The following FGD5 variants were observed in gnomAD, a reference collection of about 807,000 sequenced individuals.
FGD5 encodes FYVE, RhoGEF and PH domain-containing protein 5.
A neutral mutation model predicts 133.4 loss-of-function variants in FGD5; 28 were observed. The ratio of observed to expected loss-of-function variants is 0.21; its 90% CI spans 0.16 to 0.29. FGD5 has a LOEUF of 0.29. Among genes scored for constraint, FGD5 ranks in the 10% least tolerant of loss-of-function variants. The pLI is 1.00. For missense variants in FGD5, 1,858 were observed against 1,895.2 expected, an observed-to-expected ratio of 0.98 and a Z score of 0.36; for synonymous variants, 810 against 776.5, an observed-to-expected ratio of 1.04 and a Z score of -0.72.
chr3:14,882,099 T>G (rs2037836071), intron 4 of FGD5, among the ~76,000 whole-genome samples: 1 of 152,210 alleles, frequency 6.6e-6, no homozygotes, highest in African/African-American at 2.4e-5. Context: ...TGTGCACTCT[T>G]GAACCCCAAA....
At chr3:14,826,038 ATC>A (rs1408344832) in intron 1 of FGD5, among the ~76,000 whole-genome samples, 2 of 152,200 alleles carry the variant, frequency 1.3e-5, no homozygotes, top group African/African-American at 4.8e-5. Context: ...TGTCCTAAAT[ATC>A]TCATTTAAAT....
intron 1 of FGD5, among the ~76,000 whole-genome samples, chr3:14,856,726 A>G (rs1474118871): frequency 2.0e-5 from 3 of 152,016 alleles, no homozygotes; most frequent in Non-Finnish European, 4.4e-5. Context: ...GGATTTTTAT[A>G]TATTGATTAT....
intron 4 of FGD5, among the ~76,000 whole-genome samples, chr3:14,883,680 G>A (rs146220417): frequency 4.8e-4 from 73 of 152,350 alleles, no homozygotes; most frequent in African/African-American, 1.7e-3. Context: ...GCTGAATAAG[G>A]CTCTGAACCT....
intron 2 of FGD5, among the ~76,000 whole-genome samples, chr3:14,867,339 T>A (rs1305589877): frequency 1.3e-5 from 2 of 152,270 alleles, no homozygotes. Flanking sequence ...AATGTTTTTC[T>A]GGCTGCATAG....
In FGD5 at chr3:14,924,027, C is replaced by G. The variant is rs748438544; in HGVS notation, c.3957C>G (p.Ser1319Arg). ...TTACAGAGCGGCCTGTGAGCATGAG[C>G]TTCCCGCTGTCTTCACCCCGCTTCT... is the stretch of plus-strand genomic sequence containing the variant. Reference protein sequence around the residue: ...GLMRERPVSMSFPLSSPRFSG... With the variant: ...GLMRERPVSMRFPLSSPRFSG... The change falls in exon 17 of 20, where the codon AGC becomes AGG. Residue 1319 changes from serine (S) to arginine (R), a missense_variant. Physicochemically the swap from Ser to Arg is moderately radical, Grantham distance 110 (BLOSUM62 -1). Transcript: ENST00000285046. 3.1e-6 allele frequency: 5 copies of G among 1,613,904 alleles called. No homozygotes were observed. Among genetic ancestry groups the G allele is most frequent in the Non-Finnish European group, 4.2e-6 (5 of 1,179,902 alleles).
chr3:14,833,251 A>T (rs2036752111), intron 1 of FGD5, among the ~76,000 whole-genome samples: 1 of 152,060 alleles, frequency 6.6e-6, no homozygotes, highest in Admixed American at 6.6e-5. Flanking sequence ...GTTTTTCGGG[A>T]TGATGTGACT....
At chr3:14,900,923 G>A (rs1410145240) in intron 8 of FGD5, 80 bp from the exon 9 acceptor site, 1 of 1,534,288 alleles carries the variant, frequency 6.5e-7, no homozygotes, top group African/African-American at 1.4e-5. Context: ...TGGGCTTGAG[G>A]CCTGTGACCT....
At chr3:14,857,519 A>G (rs989369500) in intron 1 of FGD5, among the ~76,000 whole-genome samples, 1 of 152,080 alleles carries the variant, frequency 6.6e-6, no homozygotes, top group Non-Finnish European at 1.5e-5. Context: ...ACATACAGCA[A>G]AGTTTCAGAT....
Position 14,917,759 on chromosome 3 carries a change from C to T in FGD5, c.3489+427C>T, listed in dbSNP as rs573304007. Among the ~76,000 whole-genome samples, 29 of 152,302 alleles carry T rather than the reference C, an allele frequency of 1.9e-4. No homozygotes were observed. The highest frequency in any genetic ancestry group is 5.8e-4 in the African/African-American group (24 of 41,558). ...CATTTACATTGCTGTGTATCCAGCA[C>T]CACCATCCATCTCAGAACTCTTTCC... On this transcript the variant is annotated intron_variant, in intron 12 of 19. Transcript: ENST00000285046. This position sits in a 1 kb window ranked among gnomAD's most constrained non-coding sequence, Gnocchi z 4.1.
At chr3:14,880,683 C>A in intron 3 of FGD5, 53 bp downstream of exon 3, 1 of 1,613,958 alleles carries the variant, frequency 6.2e-7, no homozygotes, top group Non-Finnish European at 8.5e-7. Flanking sequence ...AAAACGTCAC[C>A]CTCCTGGGCT....
At position 14,819,379 on chromosome 3, in the gene FGD5, A is replaced by G. The variant is rs2036434933; in HGVS notation, c.308A>G (p.Glu103Gly). 6.5e-7 allele frequency: 1 copy of G among 1,549,696 alleles called. No individual in the cohort carries two copies. Among genetic ancestry groups the G allele is most frequent in the African/African-American group, 1.4e-5 (1 of 73,012 alleles). The change falls in exon 1 of 20, where the codon GAA (glutamate) becomes GGA (glycine). Residue 103 changes from glutamate to glycine, a missense_variant. Transcript: ENST00000285046. The surrounding 1 kb of genome is among the most constrained non-coding windows in gnomAD (Gnocchi z 4.1). ...TCTGCGGAAGAGGAAGAGGAGCGTG[A>G]AGAGGGAGGCGAGGCATGTGGCCTG... ...ESSAEEEEEREEGGEACGLEG... is the reference protein window; with the variant it reads ...ESSAEEEEERGEGGEACGLEG...
At chr3:14,886,141 A>G (rs572438670) in intron 4 of FGD5, among the ~76,000 whole-genome samples, 1 of 152,234 alleles carries the variant, frequency 6.6e-6, no homozygotes, top group Non-Finnish European at 1.5e-5. Context: ...AAGGTTTCTC[A>G]TGAACACAGG....
intron 1 of FGD5, among the ~76,000 whole-genome samples, chr3:14,842,409 A>G (rs898823732): frequency 2.0e-5 from 3 of 151,842 alleles, no homozygotes; most frequent in Non-Finnish European, 4.4e-5. Flanking sequence ...GAGGGTGCAC[A>G]CTCCCTTTCC....
chr3:14,864,623 A>G (rs1212868572), intron 2 of FGD5, among the ~76,000 whole-genome samples: 1 of 152,226 alleles, frequency 6.6e-6, no homozygotes, highest in East Asian at 1.9e-4. Context: ...TGAAGTGGAA[A>G]TCATGAGGGT....
chr3:14,851,865 A>G (rs1368685335), intron 1 of FGD5, among the ~76,000 whole-genome samples: 1 of 152,170 alleles, frequency 6.6e-6, no homozygotes, highest in Non-Finnish European at 1.5e-5. Flanking sequence ...AATCAGAAAA[A>G]AACAAAATTC....
chr3:14,874,134 A>G (rs138495026), intron 2 of FGD5, among the ~76,000 whole-genome samples: 7 of 152,354 alleles, frequency 4.6e-5, no homozygotes, highest in African/African-American at 1.4e-4. Flanking sequence ...GCCATTTGCA[A>G]CGATGTGAAT....
At chr3:14,823,860 A>C (rs10510432) in intron 1 of FGD5, among the ~76,000 whole-genome samples, 18,399 of 152,202 alleles carry the variant, frequency 0.12, 1,551 homozygotes, top group East Asian at 0.41. Flanking sequence ...GTGCAAAAAA[A>C]CCAAACAAAA....
chr3:14,918,636 A>G, intron 12 of FGD5, 118 bp from the exon 13 acceptor site: 1 of 970,308 alleles, frequency 1.0e-6, no homozygotes, highest in Non-Finnish European at 1.6e-6. Flanking sequence ...GTATGCCCTG[A>G]GGCTAGAGAA....
intron 1 of FGD5, among the ~76,000 whole-genome samples, chr3:14,844,204 T>TAAAAAAAAAAA (rs1168327274): frequency 5.8e-4 from 10 of 17,228 alleles, no homozygotes; most frequent in South Asian, 3.6e-3. Context: ...TAATAGGCAT[T>TAAAAAAAAAAA]AAAAAAAAAA....
Sources: gnomAD v4.1 joint callset for allele counts (sites outside exome capture counted in the v4.1 genomes callset) on GRCh38, gnomAD v4.1.1 for gene constraint, Gnocchi (gnomAD v3.1) non-coding constraint, MANE v1.5 for transcripts, NCBI Gene and HGNC (gene_info 2026-07-23, HGNC 2026-07-21) for gene names.